EIF4G1: variants seen among roughly 807,000 people sequenced by gnomAD.
EIF4G1 encodes the protein eukaryotic translation initiation factor 4 gamma 1.
Under a neutral mutation model 187.8 loss-of-function variants are expected in EIF4G1, and 4 were observed. The ratio of observed to expected loss-of-function variants is 0.02; its 90% confidence interval spans 0.01 to 0.05. The LOEUF (loss-of-function observed/expected upper bound fraction) is 0.05, where lower values mean the gene tolerates loss of function less well. Ranked by LOEUF, EIF4G1 falls within the 10% of genes least tolerant of loss-of-function variation. The pLI is 1.00. For missense variants in EIF4G1, 1,647 were observed against 2,081.1 expected (o/e 0.79, Z 4.06); for synonymous variants, 844 against 781.4 (o/e 1.08, Z -1.34).
intron 9 of EIF4G1, 79 bp downstream of exon 9, chr3:184,321,072 G>C (rs1223666028): frequency 1.3e-6 from 2 of 1,557,236 alleles, no homozygotes; most frequent in African/African-American, 2.7e-5. Flanking sequence ...GGAGTGACTT[G>C]AACTGGGTAC....
intron 24 of EIF4G1, 46 bp downstream of exon 24, chr3:184,327,494 G>A (rs1295394823): frequency 6.2e-7 from 1 of 1,612,198 alleles, no homozygotes; most frequent in South Asian, 1.1e-5. Flanking sequence ...TGGCTGCCTT[G>A]GGACTAGCTG....
chr3:184,315,923 T>A, intron 3 of EIF4G1, 67 bp downstream of exon 3: 1 of 1,517,536 alleles, frequency 6.6e-7, no homozygotes. Flanking sequence ...CTCTGGATCT[T>A]CCTACCCCCA....
rs1019590317 is a variant in EIF4G1, at chr3:184,325,187, C to T, written c.2856+73C>T. On this transcript the variant is annotated intron_variant, in intron 18 of 32. Transcript: ENST00000346169. This position sits in a 1 kb window ranked among gnomAD's most constrained non-coding sequence, Gnocchi z 5.2. The stretch of plus-strand genomic sequence containing the variant: ...GCTCACTGAGCCCACAATGATGGGG[C>T]GGAAGGCCTGAGGAGGGGTGGGGCC... The T allele has an allele frequency of 3.6e-5, 57 of 1,600,878 alleles. No homozygotes were observed. Among genetic ancestry groups the T allele is most frequent in the South Asian group, 3.2e-4 (29 of 90,798 alleles).
intron 28 of EIF4G1, among the ~76,000 whole-genome samples, chr3:184,329,551 C>T (rs1725620148): frequency 6.6e-6 from 1 of 152,124 alleles, no homozygotes; most frequent in African/African-American, 2.4e-5. Context: ...ATCACTTGAC[C>T]CGGGAGGCGG....
chr3:184,315,885 G>A (rs1722686091), intron 3 of EIF4G1, 29 bp downstream of exon 3: 2 of 1,542,688 alleles, frequency 1.3e-6, no homozygotes, highest in Non-Finnish European at 8.8e-7. Context: ...GCAGGGGTGG[G>A]GGTGGGGGAG....
chr3:184,332,255 A>C (rs1474704354), intron 32 of EIF4G1, 169 bp downstream of exon 32: 2 of 939,296 alleles, frequency 2.1e-6, no homozygotes, highest in Admixed American at 2.5e-5. Context: ...TGTTGTTCCT[A>C]CAAGTGGAAG....
intron 21 of EIF4G1, 116 bp from the exon 22 acceptor site, chr3:184,326,411 A>G (rs1457431806): frequency 6.5e-6 from 7 of 1,083,786 alleles, no homozygotes; most frequent in Non-Finnish European, 9.8e-6. Context: ...TTATTAAAAA[A>G]GATTTTCTGA....
At chr3:184,317,588 A>T (rs1723017336) in intron 5 of EIF4G1, 91 bp downstream of exon 5, 2 of 1,565,468 alleles carry the variant, frequency 1.3e-6, no homozygotes, top group South Asian at 2.2e-5. Context: ...GCTTTTCCAG[A>T]GGTGGGACTT....
chr3:184,328,070 C>A, intron 26 of EIF4G1, 68 bp downstream of exon 26: 1 of 1,558,422 alleles, frequency 6.4e-7, no homozygotes, highest in Non-Finnish European at 8.7e-7. Flanking sequence ...TTTTGGGACC[C>A]TTGGAACCTT....
chr3:184,322,716 A>G lies in EIF4G1; in HGVS notation c.1781A>G (p.Tyr594Cys), dbSNP rs1349811917. Residue 594 changes from tyrosine to cysteine, a missense_variant, in exon 12 of 33, where the codon TAT (tyrosine) becomes TGT (cysteine). Transcript: ENST00000346169. ...AACATCCAGCCCGGGGAACAGAAGT[A>G]TGAATATAAGTCAGGTATGCTGAAG... ...AENIQPGEQKYEYKSDQWKPL... is the reference protein window; with the variant it reads ...AENIQPGEQKCEYKSDQWKPL... The G allele has an allele frequency of 3.1e-6, 5 of 1,614,240 alleles. No individual in the cohort carries two copies. The highest frequency in any genetic ancestry group is 4.2e-6 in the Non-Finnish European group (5 of 1,180,050).
chr3:184,316,658 C>T, intron 4 of EIF4G1: 1 of 1,539,266 alleles, frequency 6.5e-7, no homozygotes, highest in Non-Finnish European at 8.8e-7. Context: ...CATTCCCTCC[C>T]CCCGCCATCA....
chr3:184,324,212 C>T lies in EIF4G1; in HGVS notation c.2484C>T (p.Pro828=), dbSNP rs1724431016. The change falls in exon 17 of 33, where the codon CCC becomes CCT. Residue 828 remains proline, a synonymous_variant. Transcript: ENST00000346169. ...MCRCLMALKV[P]TTEKPTVTVN... Reference sequence around the variant, plus strand: ...TCTCTGACCTACAGCTGAAAGTGCCCACTACGGAAAAGCCAACAGTGACTG... The same window carrying T: ...TCTCTGACCTACAGCTGAAAGTGCCTACTACGGAAAAGCCAACAGTGACTG... 1.9e-6 allele frequency: 3 copies of T among 1,614,094 alleles called. No individual in the cohort carries two copies. Among genetic ancestry groups the T allele is most frequent in the South Asian group, 2.2e-5 (2 of 91,094 alleles).
At chr3:184,318,229 A>G (rs1297057734) in intron 6 of EIF4G1, among the ~76,000 whole-genome samples, 2 of 152,240 alleles carry the variant, frequency 1.3e-5, no homozygotes, top group African/African-American at 4.8e-5. Context: ...CCTATCAGGA[A>G]AAGTTTTGAG....
intron 17 of EIF4G1, 121 bp downstream of exon 17, chr3:184,324,468 A>G (rs1724474661): frequency 2.7e-6 from 4 of 1,491,848 alleles, no homozygotes; most frequent in Non-Finnish European, 3.7e-6. Context: ...CTGGCTCAGG[A>G]CGTTTTTTTT....
Position 184,328,021 on chromosome 3 carries a change from G to A in EIF4G1, c.3953+19G>A, listed in dbSNP as rs182369797. 2 of 1,601,152 alleles carry A rather than the reference G, an allele frequency of 1.2e-6. No homozygotes were observed. Among genetic ancestry groups the A allele is most frequent in the East Asian group, 4.5e-5 (2 of 44,874 alleles). ...ACCAAGGGTATGACCAGCTTCTCTGGGCCTCCCACTTATACAGACCCACAA... is the reference window on the plus strand; with the variant it reads ...ACCAAGGGTATGACCAGCTTCTCTGAGCCTCCCACTTATACAGACCCACAA... On this transcript the variant is annotated intron_variant, in intron 26 of 32. Transcript: ENST00000346169.
chr3:184,320,226 G>GC, intron 7 of EIF4G1: 1 of 1,196,936 alleles, frequency 8.4e-7, no homozygotes, highest in South Asian at 1.7e-5. Flanking sequence ...AGCTGGGGAA[G>GC]CCGCTGAGTC....
intron 8 of EIF4G1, 99 bp downstream of exon 8, chr3:184,320,821 C>A: frequency 6.2e-7 from 1 of 1,606,422 alleles, no homozygotes; most frequent in Non-Finnish European, 8.5e-7. Context: ...GGATTTATTT[C>A]CCTGCTTTCC....
Position 184,316,166 on chromosome 3 carries a change from T to G in EIF4G1, c.95T>G (p.Val32Gly). 6.2e-7 allele frequency: 1 copy of G among 1,614,054 alleles called. No individual in the cohort carries two copies. Among genetic ancestry groups the G allele is most frequent in the Non-Finnish European group, 8.5e-7 (1 of 1,179,996 alleles). ...AFPPGQTAPV[V>G]FSTPQATQMN... ...CCCCCGGGGCAGACAGCGCCGGTGG[T>G]GTTCAGTACGCCACAAGCGACACAA... The change falls in exon 4 of 33, where the codon GTG (valine) becomes GGG (glycine). Residue 32 changes from valine (V) to glycine (G), a missense_variant. Physicochemically the swap from Val to Gly is moderately radical, Grantham distance 109. Around this residue, in one of 11 missense-constraint regions of EIF4G1, gnomAD observed 61 missense variants for 49.5 expected, o/e 1.23. Transcript: ENST00000346169.
rs1030602560 is a variant in EIF4G1, at chr3:184,316,123, C to T, written c.61-9C>T. On this transcript the variant is annotated splice_polypyrimidine_tract_variant and intron_variant, in intron 3 of 32. Transcript: ENST00000346169. The stretch of plus-strand genomic sequence containing the variant: ...CCCCTCTTGCTGAACTCTGGTCTCC[C>T]CTCTTCAGCCAGCGTTTCCCCCGGG... The T allele has an allele frequency of 3.1e-6, 5 of 1,613,998 alleles. No individual in the cohort carries two copies. The highest frequency in any genetic ancestry group is 3.4e-6 in the Non-Finnish European group (4 of 1,180,026).
Sources: gnomAD v4.1 joint callset for allele counts (sites outside exome capture counted in the v4.1 genomes callset) on GRCh38, gnomAD v4.1.1 for gene constraint, gnomAD v4.1.1 regional missense constraint, Gnocchi (gnomAD v3.1) non-coding constraint, MANE v1.5 for transcripts, NCBI Gene and HGNC (gene_info 2026-07-23, HGNC 2026-07-21) for gene names.